Variants in PDE1A observed in about 807,000 individuals in gnomAD.
The protein encoded by PDE1A is phosphodiesterase 1A, also known as dual specificity calcium/calmodulin-dependent 3',5'-cyclic nucleotide phosphodiesterase 1A.
In PDE1A, 35 loss-of-function variants were observed where a neutral mutation model predicts 61.7. The ratio of observed to expected loss-of-function variants is 0.57; its 90% CI spans 0.43 to 0.75. PDE1A has a LOEUF of 0.75. Among genes scored for constraint, PDE1A ranks in the 30% least tolerant of loss-of-function variants. The pLI is 0.00. For synonymous variants in PDE1A, 232 were observed against 213.2 expected (o/e 1.09, Z -0.77); for missense variants, 597 against 630.6 (o/e 0.95, Z 0.57).
chr2:182,294,673 G>A (rs1694755413), intron 1 of PDE1A, among the ~76,000 whole-genome samples: 1 of 152,160 alleles, frequency 6.6e-6, no homozygotes, highest in Admixed American at 6.5e-5. Flanking sequence ...ATTCAAGGGT[G>A]GTAAGTTTAT....
chr2:182,523,691 T>C (rs536672026), upstream of PDE1A, among the ~76,000 whole-genome samples: 1 of 152,206 alleles, frequency 6.6e-6, no homozygotes, highest in Non-Finnish European at 1.5e-5. Context: ...TCAGTACCTA[T>C]TACATATTAC....
chr2:182,264,670 G>A (rs1002782553), intron 1 of PDE1A, among the ~76,000 whole-genome samples: 1 of 151,136 alleles, frequency 6.6e-6, no homozygotes, highest in Non-Finnish European at 1.5e-5. Context: ...ATATTTCAGA[G>A]ATAGTCTTCC....
chr2:182,452,251 G>C (rs1433006402), intron 2 of PDE1A, among the ~76,000 whole-genome samples: 1 of 152,064 alleles, frequency 6.6e-6, no homozygotes, highest in East Asian at 1.9e-4. Flanking sequence ...GGTGTCTAAG[G>C]TTAAGAGTGA....
At chr2:182,347,763 G>A (rs568615795) in intron 1 of PDE1A, among the ~76,000 whole-genome samples, 1 of 152,208 alleles carries the variant, frequency 6.6e-6, no homozygotes, top group East Asian at 1.9e-4. Context: ...ATAGTGCAAA[G>A]CCATAGAAGA....
At chr2:182,551,931 G>A in the PDE1A span, among the ~76,000 whole-genome samples, 1 of 152,096 alleles carries the variant, frequency 6.6e-6, no homozygotes, top group African/African-American at 2.4e-5. Flanking sequence ...CAAACACAGT[G>A]TCTATTTCTA....
chr2:182,659,799 T>C, the PDE1A span, among the ~76,000 whole-genome samples: 1 of 152,186 alleles, frequency 6.6e-6, no homozygotes, highest in Non-Finnish European at 1.5e-5. Flanking sequence ...AATGTAGGTA[T>C]TACTAATAAA....
intron 1 of PDE1A, among the ~76,000 whole-genome samples, chr2:182,306,268 C>CAT (rs1559318894): frequency 6.6e-6 from 1 of 152,062 alleles, no homozygotes; most frequent in Non-Finnish European, 1.5e-5. Context: ...TATTGTACAG[C>CAT]ATTGTAAGTC....
intron 7 of PDE1A, among the ~76,000 whole-genome samples, chr2:182,212,110 T>C (rs1010232667): frequency 1.3e-5 from 2 of 152,100 alleles, no homozygotes; most frequent in African/African-American, 4.8e-5. Flanking sequence ...TTCAACTTTT[T>C]CACCATTAAG....
the PDE1A span, among the ~76,000 whole-genome samples, chr2:182,569,338 C>T: frequency 4.0e-5 from 6 of 151,680 alleles, no homozygotes; most frequent in East Asian, 1.2e-3. Flanking sequence ...CTCTGACCTA[C>T]AATTTTTCAT....
intron 13 of PDE1A, among the ~76,000 whole-genome samples, chr2:182,177,622 A>C (rs1429449312): frequency 6.6e-6 from 1 of 151,784 alleles, no homozygotes; most frequent in Non-Finnish European, 1.5e-5. Flanking sequence ...TGGTCTATAT[A>C]TCTGTTTTGG....
chr2:182,293,608 A>C (rs989758451), intron 1 of PDE1A, among the ~76,000 whole-genome samples: 1 of 152,140 alleles, frequency 6.6e-6, no homozygotes, highest in African/African-American at 2.4e-5. Context: ...ATGTGTTCCA[A>C]AACTCCCAGT....
At chr2:182,208,363 G>A (rs1687291495) in intron 7 of PDE1A, among the ~76,000 whole-genome samples, 1 of 152,060 alleles carries the variant, frequency 6.6e-6, no homozygotes, top group Admixed American at 6.6e-5. Context: ...GAGAGAGAGT[G>A]CAGGGGGGAT....
chr2:182,345,852 T>C (rs1318984439), intron 1 of PDE1A, among the ~76,000 whole-genome samples: 1 of 152,194 alleles, frequency 6.6e-6, no homozygotes, highest in Non-Finnish European at 1.5e-5. Flanking sequence ...CTTTGCGTTA[T>C]TTCCATAGCA....
intron 13 of PDE1A, among the ~76,000 whole-genome samples, chr2:182,159,409 G>T (rs923369603): frequency 6.6e-6 from 1 of 152,088 alleles, no homozygotes; most frequent in African/African-American, 2.4e-5. Flanking sequence ...GATATTTGGG[G>T]ATAAACTTTA....
chr2:182,540,383 AAAGCAGCAGCAGC>A, the PDE1A span, among the ~76,000 whole-genome samples: 37 of 72,822 alleles, frequency 5.1e-4, no homozygotes, highest in East Asian at 3.1e-3. Context: ...AAAAAAAAAA[AAAGCAGCAGCAGC>A]AGCAGCAGCA....
the PDE1A span, among the ~76,000 whole-genome samples, chr2:182,651,183 T>C: frequency 2.6e-5 from 4 of 152,144 alleles, no homozygotes; most frequent in Non-Finnish European, 2.9e-5. Flanking sequence ...ATTTTTGTAT[T>C]TTTAGTAGAG....
At chr2:182,660,837 C>T in the PDE1A span, among the ~76,000 whole-genome samples, 1 of 152,218 alleles carries the variant, frequency 6.6e-6, no homozygotes, top group African/African-American at 2.4e-5. Context: ...GATTGCGGCC[C>T]TTAAGACTCA....
the PDE1A span, among the ~76,000 whole-genome samples, chr2:182,579,234 C>T: frequency 6.6e-6 from 1 of 152,164 alleles, no homozygotes; most frequent in African/African-American, 2.4e-5. Flanking sequence ...ATGGGGCTGA[C>T]CCCAGCTCTG....
intron 1 of PDE1A, among the ~76,000 whole-genome samples, chr2:182,379,278 T>A (rs1700591010): frequency 6.6e-6 from 1 of 152,210 alleles, no homozygotes; most frequent in South Asian, 2.1e-4. Context: ...ATCACAAAAG[T>A]CCTGCAATGT....
Sources: allele counts gnomAD v4.1 joint callset (sites outside exome capture counted in the v4.1 genomes callset), GRCh38; gene constraint gnomAD v4.1.1; transcripts MANE v1.5; gene names NCBI Gene and HGNC (gene_info 2026-07-23, HGNC 2026-07-21).